The following KLF17 variants were observed in gnomAD, a reference collection of about 807,000 sequenced individuals.
KLF17 encodes the protein KLF transcription factor 17, also known as Krueppel-like factor 17.
KLF17 carries 31 observed loss-of-function variants against 34.2 expected under a neutral mutation model. That is an observed-to-expected ratio of 0.91 (90% CI 0.68 to 1.22). The LOEUF is 1.22. Among genes scored for constraint, KLF17 ranks in the 50% most tolerant of loss-of-function variants. The pLI is 0.00. For missense variants in KLF17, 478 were observed against 505.2 expected (o/e 0.95, Z 0.52); for synonymous variants, 179 against 186.7 (o/e 0.96, Z 0.34).
upstream of KLF17, among the ~76,000 whole-genome samples, chr1:44,116,074 A>T (rs931925510): frequency 6.6e-6 from 1 of 152,194 alleles, no homozygotes; most frequent in African/African-American, 2.4e-5. Flanking sequence ...CTGTGTGTCA[A>T]ACATGATCCA....
chr1:44,089,503 T>A, the KLF17 span, among the ~76,000 whole-genome samples: 1 of 152,188 alleles, frequency 6.6e-6, no homozygotes, highest in Admixed American at 6.5e-5. Context: ...AGCAGCTCTC[T>A]GCAGATGAGG....
At chr1:44,053,045 G>A in the KLF17 span, among the ~76,000 whole-genome samples, 5 of 151,836 alleles carry the variant, frequency 3.3e-5, no homozygotes, top group South Asian at 2.1e-4. Flanking sequence ...GATTACAGGC[G>A]CAGGCTACCA....
At chr1:44,114,224 T>A (rs998649160), upstream of KLF17, 1 of 152,194 alleles carries the variant, frequency 6.6e-6, no homozygotes, top group Non-Finnish European at 1.5e-5. Flanking sequence ...AGGAAACTAA[T>A]CCTCTGAGGT....
At chr1:44,079,849 C>T in the KLF17 span, among the ~76,000 whole-genome samples, 1 of 151,970 alleles carries the variant, frequency 6.6e-6, no homozygotes, top group African/African-American at 2.4e-5. Context: ...ATCAGGAATC[C>T]ATATATGCTT....
chr1:44,111,052 C>A, the KLF17 span, among the ~76,000 whole-genome samples: 5 of 152,126 alleles, frequency 3.3e-5, no homozygotes, highest in Non-Finnish European at 7.3e-5. Flanking sequence ...AGTGGTGTGA[C>A]CATGGCTCAC....
chr1:44,088,658 G>A, the KLF17 span, among the ~76,000 whole-genome samples: 2 of 152,150 alleles, frequency 1.3e-5, no homozygotes, highest in Admixed American at 6.5e-5. Context: ...CTCTTCACAT[G>A]CCCTATTTCC....
At position 44,134,823 on chromosome 1, in the gene KLF17, A is replaced by C. The variant is rs1483703849; in HGVS notation, c.*1586A>C. The C allele has an allele frequency of 6.6e-6, 1 of 152,158 alleles. No individual in the cohort carries two copies. Among genetic ancestry groups the C allele is most frequent in the African/African-American group, 2.4e-5 (1 of 41,414 alleles). 9.4% of individuals were successfully genotyped at this position (152,158 alleles called of 1,614,324 possible). A position where few individuals can be genotyped will look rare whatever the true frequency, so the allele number is the denominator to read the frequency against. On this transcript the variant is annotated 3_prime_UTR_variant, in exon 4 of 4. Transcript: ENST00000372299. ...GAGAGTGGAGGTAGGGAGAAGTAGG[A>C]AAGTGATAGTTAACTGGATTTGTTA...
chr1:44,052,456 A>C, the KLF17 span, among the ~76,000 whole-genome samples: 1 of 152,170 alleles, frequency 6.6e-6, no homozygotes, highest in South Asian at 2.1e-4. Flanking sequence ...GTTCTCTGGC[A>C]GTGAGGGCCC....
At chr1:44,056,227 G>A in the KLF17 span, among the ~76,000 whole-genome samples, 2 of 152,148 alleles carry the variant, frequency 1.3e-5, no homozygotes, top group Non-Finnish European at 2.9e-5. Context: ...AGCCTCACTA[G>A]GGAAGACGGA....
chr1:44,087,564 A>G, the KLF17 span, among the ~76,000 whole-genome samples: 1 of 150,500 alleles, frequency 6.6e-6, no homozygotes, highest in Non-Finnish European at 1.5e-5. Context: ...ACACCCGACT[A>G]TTTTCTTCTA....
chr1:44,100,113 CACAA>C, the KLF17 span, among the ~76,000 whole-genome samples: 1 of 142,334 alleles, frequency 7.0e-6, no homozygotes, highest in Non-Finnish European at 1.5e-5. Context: ...CACACACACA[CACAA>C]ATTAGCTGGG....
the KLF17 span, among the ~76,000 whole-genome samples, chr1:44,054,779 CTTTT>C: frequency 2.1e-5 from 2 of 97,214 alleles, no homozygotes. Context: ...CCGTGCCCAG[CTTTT>C]TTTTTTTTTT....
At chr1:44,091,491 A>T in the KLF17 span, among the ~76,000 whole-genome samples, 1 of 152,030 alleles carries the variant, frequency 6.6e-6, no homozygotes, top group Admixed American at 6.6e-5. Context: ...CCCTGTTTCT[A>T]CTAAAAACAT....
At chr1:44,046,414 G>A in the KLF17 span, among the ~76,000 whole-genome samples, 1 of 151,796 alleles carries the variant, frequency 6.6e-6, no homozygotes, top group African/African-American at 2.4e-5. Context: ...TAGAGACGGG[G>A]TCTGCTGGAG....
the KLF17 span, among the ~76,000 whole-genome samples, chr1:44,045,445 T>C: frequency 6.6e-6 from 1 of 152,184 alleles, no homozygotes. Flanking sequence ...CTTTGCTGAC[T>C]TCTCTTCTGC....
the KLF17 span, among the ~76,000 whole-genome samples, chr1:44,087,722 TTTTATATATATATATATATA>T: frequency 7.1e-5 from 4 of 56,480 alleles, 1 homozygote; most frequent in East Asian, 2.4e-3. Context: ...TTCCTATATA[TTTTATATATATATATATATA>T]TATATATATA....
Position 44,130,097 on chromosome 1 carries a change from G to T in KLF17, c.826G>T (p.Gly276Cys). Reference protein sequence around the residue: ...SRPQEGTGRRGSSEARPYCCN... With the variant: ...SRPQEGTGRRCSSEARPYCCN... ...GCCTCAGGAAGGGACTGGTAGAAGG[G>T]GCTCCTCAGAGGCAAGGCCTTACTG... Residue 276 changes from glycine to cysteine, a missense_variant, in exon 2 of 4, where the codon GGC becomes TGC. Physicochemically the swap from Gly to Cys is radical, Grantham distance 159 (BLOSUM62 -3). Transcript: ENST00000372299. The T allele has an allele frequency of 6.2e-7, 1 of 1,614,238 alleles. No homozygotes were observed.
chr1:44,126,610 C>A, intron 1 of KLF17, among the ~76,000 whole-genome samples: 1 of 152,272 alleles, frequency 6.6e-6, no homozygotes, highest in South Asian at 2.1e-4. Flanking sequence ...ATGTCACTTC[C>A]TGTCTCCTTT....
the KLF17 span, among the ~76,000 whole-genome samples, chr1:44,092,032 T>TA: frequency 0.41 from 51,982 of 125,340 alleles, 10,716 homozygotes; most frequent in Non-Finnish European, 0.44. Context: ...ACTACTGCAT[T>TA]AAAAAAAAAA....
Sources: gnomAD v4.1 joint callset for allele counts (sites outside exome capture counted in the v4.1 genomes callset) on GRCh38, gnomAD v4.1.1 for gene constraint, MANE v1.5 for transcripts, NCBI Gene and HGNC (gene_info 2026-07-23, HGNC 2026-07-21) for gene names.